TENM3: variants seen among roughly 807,000 people sequenced by gnomAD.
The protein encoded by TENM3 is teneurin transmembrane protein 3.
TENM3 carries 63 observed loss-of-function variants against 255.1 expected under a neutral mutation model. The ratio of observed to expected loss-of-function variants is 0.25; its 90% CI spans 0.20 to 0.30. The LOEUF (loss-of-function observed/expected upper bound fraction) is 0.30, where lower values mean the gene tolerates loss of function less well. Ranked by LOEUF, TENM3 falls within the 10% of genes least tolerant of loss-of-function variation. TENM3 has a pLI of 1.00. For missense variants in TENM3, 2,929 were observed against 3,461.1 expected, an observed-to-expected ratio of 0.85 and a Z score of 3.86; for synonymous variants, 1,306 against 1,322.3, an observed-to-expected ratio of 0.99 and a Z score of 0.27.
the TENM3 span, among the ~76,000 whole-genome samples, chr4:181,633,462 G>C: frequency 7.9e-5 from 12 of 152,238 alleles, no homozygotes; most frequent in East Asian, 2.3e-3. Context: ...TAGGTCCCTG[G>C]AGGAGTCACA....
chr4:181,827,237 CAG>C, the TENM3 span, among the ~76,000 whole-genome samples: 22 of 152,260 alleles, frequency 1.4e-4, no homozygotes, highest in African/African-American at 4.6e-4. Context: ...TGGTGGGAGA[CAG>C]GGGTAACTCT....
intron 3 of TENM3, among the ~76,000 whole-genome samples, chr4:182,535,883 TA>T (rs1647794342): frequency 6.6e-6 from 1 of 152,046 alleles, no homozygotes; most frequent in South Asian, 2.1e-4. Flanking sequence ...TATGTTAACA[TA>T]TGTGAAATGT....
intron 3 of TENM3, among the ~76,000 whole-genome samples, chr4:182,519,217 C>G (rs915910056): frequency 8.5e-5 from 13 of 152,136 alleles, no homozygotes; most frequent in Admixed American, 1.3e-4. Context: ...TGATTCCATG[C>G]TAAAATTAAT....
chr4:182,322,679 CGA>C (rs1163288026), intron 1 of TENM3, among the ~76,000 whole-genome samples: 1 of 152,002 alleles, frequency 6.6e-6, no homozygotes, highest in African/African-American at 2.4e-5. Context: ...AGTGCATGCT[CGA>C]GAGAGTGGGG....
chr4:181,638,927 A>T, the TENM3 span, among the ~76,000 whole-genome samples: 2 of 152,342 alleles, frequency 1.3e-5, no homozygotes, highest in East Asian at 3.9e-4. Context: ...ATATTGAAAG[A>T]CTGTTCATGC....
intron 5 of TENM3, among the ~76,000 whole-genome samples, chr4:182,644,657 C>G (rs907946141): frequency 6.6e-6 from 1 of 152,084 alleles, no homozygotes; most frequent in Non-Finnish European, 1.5e-5. Context: ...TCTTTATTAA[C>G]ATATTGTCTC....
intron 3 of TENM3, among the ~76,000 whole-genome samples, chr4:182,402,170 T>G (rs910800412): frequency 6.6e-6 from 1 of 152,216 alleles, no homozygotes; most frequent in Non-Finnish European, 1.5e-5. Flanking sequence ...TATCTCTTTC[T>G]GAATTCAATA....
the TENM3 span, among the ~76,000 whole-genome samples, chr4:181,621,251 C>T: frequency 6.6e-6 from 1 of 152,174 alleles, no homozygotes; most frequent in South Asian, 2.1e-4. Flanking sequence ...AGTAAATCTG[C>T]ACCCTGTAAA....
the TENM3 span, among the ~76,000 whole-genome samples, chr4:181,640,159 A>T: frequency 1.3e-5 from 2 of 152,156 alleles, no homozygotes; most frequent in African/African-American, 4.8e-5. Context: ...GACCAACAGC[A>T]GCATCACCTG....
the TENM3 span, among the ~76,000 whole-genome samples, chr4:182,076,822 T>C: frequency 1.3e-5 from 2 of 152,172 alleles, no homozygotes; most frequent in African/African-American, 4.8e-5. Context: ...GTAGACGAGA[T>C]GTAAGCACAT....
At chr4:181,484,224 CCACAT>C in the TENM3 span, among the ~76,000 whole-genome samples, 1 of 151,938 alleles carries the variant, frequency 6.6e-6, no homozygotes, top group Non-Finnish European at 1.5e-5. Flanking sequence ...CAGTAAGCGG[CCACAT>C]TAACCATCAT....
the TENM3 span, among the ~76,000 whole-genome samples, chr4:181,724,006 T>C: frequency 6.6e-6 from 1 of 152,246 alleles, no homozygotes; most frequent in Non-Finnish European, 1.5e-5. Context: ...TCTTTCTTTC[T>C]GGAAGAGAGA....
chr4:181,948,442 G>T, the TENM3 span, among the ~76,000 whole-genome samples: 2 of 152,060 alleles, frequency 1.3e-5, no homozygotes. Flanking sequence ...TTAAGATGGA[G>T]TCTGGCTCTG....
the TENM3 span, among the ~76,000 whole-genome samples, chr4:181,597,301 C>A: frequency 6.6e-6 from 1 of 152,166 alleles, no homozygotes; most frequent in African/African-American, 2.4e-5. Context: ...CAAATTTACT[C>A]TATTTAAGCC....
chr4:181,549,198 G>C, the TENM3 span, among the ~76,000 whole-genome samples: 10 of 152,238 alleles, frequency 6.6e-5, no homozygotes, highest in East Asian at 1.2e-3. Flanking sequence ...AGGTCCCTTT[G>C]ACTAGGGAGA....
the TENM3 span, among the ~76,000 whole-genome samples, chr4:181,993,053 T>C: frequency 3.3e-5 from 5 of 152,110 alleles, no homozygotes; most frequent in African/African-American, 7.2e-5. Flanking sequence ...GACACCAGCA[T>C]TGTAAAGACA....
At chr4:181,482,403 A>G in the TENM3 span, among the ~76,000 whole-genome samples, 5 of 152,092 alleles carry the variant, frequency 3.3e-5, no homozygotes, top group Non-Finnish European at 7.4e-5. Flanking sequence ...CTTTTGTTTC[A>G]CTGTAATCTA....
the TENM3 span, among the ~76,000 whole-genome samples, chr4:181,669,630 C>T: frequency 6.6e-6 from 1 of 152,116 alleles, no homozygotes; most frequent in Non-Finnish European, 1.5e-5. Context: ...TTTTGCTAGA[C>T]CAGATACCCC....
At chr4:182,314,981 C>G (rs1762668713) in intron 1 of TENM3, among the ~76,000 whole-genome samples, 1 of 152,142 alleles carries the variant, frequency 6.6e-6, no homozygotes, top group Non-Finnish European at 1.5e-5. Context: ...AGGGTTTAAA[C>G]TGTATATCTT....
Sources: allele counts gnomAD v4.1 joint callset (sites outside exome capture counted in the v4.1 genomes callset), GRCh38; gene constraint gnomAD v4.1.1; transcripts MANE v1.5; gene names NCBI Gene and HGNC (gene_info 2026-07-23, HGNC 2026-07-21).